The following CTNND2 variants were observed in gnomAD, a reference collection of about 807,000 sequenced individuals.
CTNND2 encodes catenin delta 2, also known as catenin delta-2.
A neutral mutation model predicts 144.4 loss-of-function variants in CTNND2; 22 were observed. The observed-to-expected ratio is 0.15, with a 90% CI of 0.11 to 0.22. The LOEUF (loss-of-function observed/expected upper bound fraction) is 0.22. Among genes scored for constraint, CTNND2 ranks in the 10% least tolerant of loss-of-function variants. The probability of loss-of-function intolerance (pLI) is 1.00; values close to 1 mark genes in which losing one functional copy is unlikely to be tolerated. For synonymous variants in CTNND2, 751 were observed against 695.6 expected, an observed-to-expected ratio of 1.08 and a Z score of -1.25; for missense variants, 1,353 against 1,618.8, an observed-to-expected ratio of 0.84 and a Z score of 2.82.
intron 9 of CTNND2, among the ~76,000 whole-genome samples, chr5:11,250,496 T>TATAC (rs1430499890): frequency 5.1e-5 from 5 of 98,956 alleles, no homozygotes; most frequent in African/African-American, 2.5e-4. Flanking sequence ...TCTCTCTATA[T>TATAC]ATATATATAT....
At chr5:11,760,713 T>C (rs1330155238) in intron 1 of CTNND2, among the ~76,000 whole-genome samples, 2 of 152,160 alleles carry the variant, frequency 1.3e-5, no homozygotes, top group Non-Finnish European at 1.5e-5. Flanking sequence ...CAGACTCATA[T>C]TTAAATAACT....
At chr5:11,382,595 C>CTCTGTGTGTGTGTGTGTG (rs1554046368) in intron 7 of CTNND2, among the ~76,000 whole-genome samples, 12 of 130,148 alleles carry the variant, frequency 9.2e-5, no homozygotes, top group African/African-American at 3.0e-4. Flanking sequence ...GAGTGAGACT[C>CTCTGTGTGTGTGTGTGTG]TGTGTGTGTG....
chr5:11,829,574 A>G (rs938785045), intron 1 of CTNND2, among the ~76,000 whole-genome samples: 6 of 152,210 alleles, frequency 3.9e-5, no homozygotes, highest in Admixed American at 3.9e-4. Flanking sequence ...AGTGCACACA[A>G]GTCAAGAATT....
intron 1 of CTNND2, among the ~76,000 whole-genome samples, chr5:11,744,684 T>TG (rs1491172358): frequency 0.015 from 545 of 36,734 alleles, 10 homozygotes; most frequent in African/African-American, 0.02. Flanking sequence ...TGTGTGTGTG[T>TG]TTGTGTGTGT....
Position 11,732,115 on chromosome 5 carries a change from CAA to C in CTNND2, c.174+19_174+20del. 1 of 1,600,504 alleles carries C rather than the reference CAA, an allele frequency of 6.2e-7. No individual in the cohort carries two copies. Among genetic ancestry groups the C allele is most frequent in the East Asian group, 2.2e-5 (1 of 44,576 alleles). On this transcript the variant is annotated intron_variant, in intron 2 of 21. Coordinates refer to ENST00000304623, the MANE Select transcript of CTNND2 (RefSeq NM_001332.4). ...TTAAAATGTCCCCAAACGCATATCA[CAA>C]AAATGGGAATGTTTCTACCTGTTCT...
intron 1 of CTNND2, among the ~76,000 whole-genome samples, chr5:11,788,922 T>C (rs1376328720): frequency 6.8e-6 from 1 of 148,054 alleles, no homozygotes; most frequent in Non-Finnish European, 1.5e-5. Flanking sequence ...AATGAGAACA[T>C]GCAGTGTTTG....
At chr5:11,603,766 A>G (rs1386240497) in intron 2 of CTNND2, among the ~76,000 whole-genome samples, 2 of 152,202 alleles carry the variant, frequency 1.3e-5, no homozygotes, top group Non-Finnish European at 2.9e-5. Context: ...TTCTACAAAT[A>G]GTTATTAAAT....
At chr5:11,610,958 T>TC (rs1435107394) in intron 2 of CTNND2, among the ~76,000 whole-genome samples, 1 of 152,212 alleles carries the variant, frequency 6.6e-6, no homozygotes, top group Non-Finnish European at 1.5e-5. Context: ...ATCTAAAGTC[T>TC]AAGTCAGTAG....
intron 7 of CTNND2, among the ~76,000 whole-genome samples, chr5:11,379,188 C>T (rs2149791672): frequency 6.6e-6 from 1 of 152,322 alleles, no homozygotes; most frequent in Admixed American, 6.5e-5. Context: ...AAGTTACAAT[C>T]ACACATTCAA....
At chr5:11,765,822 T>C (rs902586161) in intron 1 of CTNND2, among the ~76,000 whole-genome samples, 9 of 152,328 alleles carry the variant, frequency 5.9e-5, no homozygotes, top group Admixed American at 5.9e-4. Context: ...AAATAATTTG[T>C]TAATAATAAT....
At chr5:11,137,403 T>C (rs891102011) in intron 12 of CTNND2, among the ~76,000 whole-genome samples, 5 of 152,198 alleles carry the variant, frequency 3.3e-5, no homozygotes, top group African/African-American at 9.7e-5. Flanking sequence ...ATTTGGAAAA[T>C]ACTATAAATA....
At chr5:11,048,641 A>C (rs974205267) in intron 16 of CTNND2, among the ~76,000 whole-genome samples, 5 of 152,228 alleles carry the variant, frequency 3.3e-5, no homozygotes, top group African/African-American at 9.7e-5. Context: ...AGAGTCATCT[A>C]TGGCAACTCA....
intron 16 of CTNND2, among the ~76,000 whole-genome samples, chr5:11,038,665 G>C (rs1501773): frequency 1.3e-5 from 2 of 152,134 alleles, no homozygotes; most frequent in African/African-American, 4.8e-5. Flanking sequence ...CTTTGAATCT[G>C]AAAGTTCTGG....
At chr5:11,369,677 A>G (rs1210928592) in intron 7 of CTNND2, among the ~76,000 whole-genome samples, 1 of 152,244 alleles carries the variant, frequency 6.6e-6, no homozygotes, top group Admixed American at 6.5e-5. Flanking sequence ...GGCTTTGAAA[A>G]TAAGTTATTA....
chr5:11,226,865 C>A (rs569620165), intron 10 of CTNND2, among the ~76,000 whole-genome samples: 1 of 152,190 alleles, frequency 6.6e-6, no homozygotes, highest in Non-Finnish European at 1.5e-5. Context: ...AAAAACAGAG[C>A]CTGCAACTTT....
At chr5:11,782,449 C>T (rs369889530) in intron 1 of CTNND2, among the ~76,000 whole-genome samples, 20 of 152,210 alleles carry the variant, frequency 1.3e-4, no homozygotes, top group African/African-American at 4.8e-4. Context: ...TGAATGCACA[C>T]TCATGAGGGC....
intron 1 of CTNND2, among the ~76,000 whole-genome samples, chr5:11,777,816 C>A (rs1206074839): frequency 6.6e-6 from 1 of 152,128 alleles, no homozygotes; most frequent in Non-Finnish European, 1.5e-5. Flanking sequence ...CTCTAAATAA[C>A]CTTAGGTCCC....
chr5:11,384,981 G>A lies in CTNND2; in HGVS notation c.861C>T (p.Pro287=), dbSNP rs1184207577. The part of the protein sequence containing the change: ...PTKLQRGGSA[P]EGATYAAPRG... Reference sequence around the variant, plus strand: ...GCGGCGCGGCGTAGGTGGCGCCCTCGGGGGCCGAGCCGCCGCGCTGCAGCT... The same window carrying A: ...GCGGCGCGGCGTAGGTGGCGCCCTCAGGGGCCGAGCCGCCGCGCTGCAGCT... The change falls in exon 7 of 22, where the codon CCC becomes CCT. Residue 287 remains proline, a synonymous_variant. Transcript: ENST00000304623. The surrounding 1 kb of genome is among the most constrained non-coding windows in gnomAD (Gnocchi z 5.2). 30 of 1,531,968 alleles carry A rather than the reference G, an allele frequency of 2.0e-5. No homozygotes were observed. Among genetic ancestry groups the A allele is most frequent in the African/African-American group, 1.8e-4 (13 of 72,392 alleles). The allele number at this position is 1,531,968 out of a possible 1,614,324, so 94.9% of individuals were successfully genotyped here.
intron 3 of CTNND2, among the ~76,000 whole-genome samples, chr5:11,520,732 T>G (rs376114214): frequency 6.6e-6 from 1 of 152,204 alleles, no homozygotes; most frequent in Non-Finnish European, 1.5e-5. Context: ...TCACCTGTCA[T>G]GCCTCCTGCT....
Sources: gnomAD v4.1 joint callset for allele counts (sites outside exome capture counted in the v4.1 genomes callset) on GRCh38, gnomAD v4.1.1 for gene constraint, Gnocchi (gnomAD v3.1) non-coding constraint, MANE v1.5 for transcripts, NCBI Gene and HGNC (gene_info 2026-07-23, HGNC 2026-07-21) for gene names.